GPRASP3: variants seen among roughly 807,000 people sequenced by gnomAD.
GPRASP3 encodes the protein G protein-coupled receptor associated sorting protein 3.
At chrX:102,729,226 T>A in the GPRASP3 span, among the ~76,000 whole-genome samples, 11 of 110,473 alleles carry the variant, frequency 1.0e-4, no homozygotes, top group East Asian at 2.8e-4. Context: ...CTTCATTTTT[T>A]AAAAAAAAAG....
chrX:102,733,211 T>G, the GPRASP3 span, among the ~76,000 whole-genome samples: 1 of 112,057 alleles, frequency 8.9e-6, no homozygotes, highest in African/African-American at 3.2e-5. Context: ...ATCCCGGCAC[T>G]TTGGGAGGCC....
At chrX:102,750,782 C>T in the GPRASP3 span, 1 of 409,533 alleles carries the variant, frequency 2.4e-6, no homozygotes, top group Non-Finnish European at 4.0e-6. Flanking sequence ...TTGGGGGTAT[C>T]AAATGAATAT....
the GPRASP3 span, among the ~76,000 whole-genome samples, chrX:102,742,791 AGTCTC>A: frequency 4.4e-4 from 49 of 111,957 alleles, no homozygotes; most frequent in Admixed American, 4.3e-3. Flanking sequence ...ATCTGAGACA[AGTCTC>A]AGTCAATTGA....
chrX:102,734,636 T>TA, the GPRASP3 span, among the ~76,000 whole-genome samples: 2 of 110,544 alleles, frequency 1.8e-5, no homozygotes, highest in Non-Finnish European at 3.8e-5. Flanking sequence ...ATAATAATAA[T>TA]AAAAAAATAA....
At chrX:102,749,371 G>A in the GPRASP3 span, 1 of 1,212,031 alleles carries the variant, frequency 8.3e-7, no homozygotes, top group Non-Finnish European at 1.1e-6. Context: ...GTTCTGGAAT[G>A]GAGAAGAGGC....
At chrX:102,734,004 T>C in the GPRASP3 span, among the ~76,000 whole-genome samples, 1 of 109,686 alleles carries the variant, frequency 9.1e-6, no homozygotes, top group African/African-American at 3.3e-5. Flanking sequence ...AGGTGCTCAG[T>C]GGGGGAACTT....
At chrX:102,742,082 A>G in the GPRASP3 span, among the ~76,000 whole-genome samples, 2 of 112,284 alleles carry the variant, frequency 1.8e-5, no homozygotes, top group African/African-American at 3.2e-5. Context: ...AAATGAAGGC[A>G]TGCTTGCTAT....
At chrX:102,747,003 G>A in the GPRASP3 span, among the ~76,000 whole-genome samples, 2 of 111,925 alleles carry the variant, frequency 1.8e-5, no homozygotes, top group African/African-American at 6.5e-5. Context: ...GAGAATGTGG[G>A]TTCCGAGTAG....
the GPRASP3 span, chrX:102,749,630 A>G: frequency 8.3e-7 from 1 of 1,211,890 alleles, no homozygotes; most frequent in Admixed American, 2.2e-5. Context: ...AATAGGCCCA[A>G]GGACTGGTCT....
chrX:102,728,395 A>G, the GPRASP3 span, among the ~76,000 whole-genome samples: 1 of 109,119 alleles, frequency 9.2e-6, no homozygotes, highest in East Asian at 2.9e-4. Context: ...TCTAATTTGC[A>G]TTGCACATTA....
At chrX:102,729,911 G>A in the GPRASP3 span, among the ~76,000 whole-genome samples, 1 of 111,822 alleles carries the variant, frequency 8.9e-6, no homozygotes, top group Non-Finnish European at 1.9e-5. Context: ...CAGCAAGCTT[G>A]AGTAGCAGTC....
At chrX:102,743,651 C>T in the GPRASP3 span, among the ~76,000 whole-genome samples, 1 of 109,216 alleles carries the variant, frequency 9.2e-6, no homozygotes, top group Non-Finnish European at 1.9e-5. Flanking sequence ...CCTGTCTTAA[C>T]TCAATCTCCT....
At chrX:102,745,412 C>T in the GPRASP3 span, among the ~76,000 whole-genome samples, 16 of 111,413 alleles carry the variant, frequency 1.4e-4, no homozygotes, top group African/African-American at 5.2e-4. Flanking sequence ...TGATGGGAGC[C>T]CCCTGCCCCA....
the GPRASP3 span, among the ~76,000 whole-genome samples, chrX:102,732,154 C>G: frequency 9.0e-6 from 1 of 111,484 alleles, no homozygotes; most frequent in African/African-American, 3.3e-5. Context: ...TGTAACATTC[C>G]CCCCTCAAGA....
chrX:102,726,369 C>G, the GPRASP3 span, among the ~76,000 whole-genome samples: 2 of 112,665 alleles, frequency 1.8e-5, no homozygotes, highest in African/African-American at 6.4e-5. Context: ...TTTTTACAAT[C>G]AGATCTTCTG....
the GPRASP3 span, among the ~76,000 whole-genome samples, chrX:102,742,022 A>C: frequency 8.9e-6 from 1 of 112,461 alleles, no homozygotes; most frequent in Non-Finnish European, 1.9e-5. Context: ...GAAAAGGTAC[A>C]ATAATATAGG....
chrX:102,730,383 A>G, the GPRASP3 span, among the ~76,000 whole-genome samples: 3 of 112,417 alleles, frequency 2.7e-5, no homozygotes, highest in Non-Finnish European at 5.6e-5. Flanking sequence ...CTGCTGTGTG[A>G]CCCAGTTCCT....
At chrX:102,724,676 G>A in the GPRASP3 span, among the ~76,000 whole-genome samples, 1 of 109,620 alleles carries the variant, frequency 9.1e-6, no homozygotes, top group Admixed American at 9.8e-5. Context: ...AACAGTTTAT[G>A]CCTGTAGAAT....
chrX:102,749,054 T>C, the GPRASP3 span: 7 of 1,210,044 alleles, frequency 5.8e-6, no homozygotes, highest in African/African-American at 1.0e-4. Context: ...AAGGCTGCTA[T>C]ACAAGCTAAA....
Sources: gnomAD v4.1 joint callset for allele counts (sites outside exome capture counted in the v4.1 genomes callset) on GRCh38, gnomAD v4.1.1 for gene constraint, MANE v1.5 for transcripts, NCBI Gene and HGNC (gene_info 2026-07-23, HGNC 2026-07-21) for gene names.